TENM1: variants seen among roughly 807,000 people sequenced by gnomAD.
The protein encoded by TENM1 is teneurin transmembrane protein 1, also known as teneurin-1.
TENM1 carries 35 observed loss-of-function variants against 174.8 expected under a neutral mutation model. That is an observed-to-expected ratio of 0.20 (90% CI 0.15 to 0.27). TENM1 has a LOEUF of 0.27. Ranked by LOEUF, TENM1 falls within the 10% of genes least tolerant of loss-of-function variation. TENM1 has a pLI of 1.00. For synonymous variants in TENM1, 781 were observed against 798.7 expected (o/e 0.98, Z 0.37); for missense variants, 1,633 against 2,130.1 (o/e 0.77, Z 4.59).
intron 3 of TENM1, among the ~76,000 whole-genome samples, chrX:124,883,758 G>A (rs1487024833): frequency 1.8e-5 from 2 of 111,818 alleles, no homozygotes; most frequent in African/African-American, 6.5e-5. Context: ...CATGCTGACG[G>A]GTACAAGCTT....
intron 3 of TENM1, among the ~76,000 whole-genome samples, chrX:124,877,024 A>G (rs770553802): frequency 3.1e-4 from 35 of 112,498 alleles, no homozygotes; most frequent in African/African-American, 1.1e-3. Context: ...TTCCTTAAAA[A>G]ATCATTCCAG....
intron 3 of TENM1, among the ~76,000 whole-genome samples, chrX:124,781,398 T>C (rs754304422): frequency 9.0e-6 from 1 of 111,701 alleles, no homozygotes; most frequent in Admixed American, 9.5e-5. Context: ...TACATAAAAG[T>C]TGTCAAGTTG....
At chrX:124,941,050 C>T (rs1896453299) in intron 1 of TENM1, among the ~76,000 whole-genome samples, 2 of 111,259 alleles carry the variant, frequency 1.8e-5, no homozygotes, top group South Asian at 7.6e-4. Context: ...AAAATTCCTT[C>T]CTAAAACCTG....
the TENM1 span, among the ~76,000 whole-genome samples, chrX:125,130,789 A>G: frequency 8.9e-6 from 1 of 112,010 alleles, no homozygotes; most frequent in Non-Finnish European, 1.9e-5. Context: ...AGCACCCATT[A>G]TCTGCCAGCC....
At chrX:125,040,918 T>C in the TENM1 span, among the ~76,000 whole-genome samples, 1 of 111,729 alleles carries the variant, frequency 9.0e-6, no homozygotes, top group Non-Finnish European at 1.9e-5. Flanking sequence ...AAAGTAATCT[T>C]CTGGAGTTGG....
the TENM1 span, among the ~76,000 whole-genome samples, chrX:125,017,241 G>A: frequency 8.9e-5 from 10 of 112,125 alleles, no homozygotes; most frequent in Admixed American, 8.5e-4. Flanking sequence ...AAGAGCTTCC[G>A]TACAGCAAAA....
the TENM1 span, among the ~76,000 whole-genome samples, chrX:124,993,498 A>G: frequency 9.1e-6 from 1 of 110,405 alleles, no homozygotes; most frequent in Non-Finnish European, 1.9e-5. Flanking sequence ...TATTATTCAA[A>G]CCCTATATGT....
intron 25 of TENM1, among the ~76,000 whole-genome samples, chrX:124,406,787 C>T (rs112878128): frequency 1.8e-5 from 2 of 111,328 alleles, no homozygotes; most frequent in African/African-American, 6.5e-5. Context: ...CTGTGTGCAA[C>T]GTTGCAGGGA....
At chrX:125,149,200 A>G in the TENM1 span, among the ~76,000 whole-genome samples, 2 of 112,535 alleles carry the variant, frequency 1.8e-5, no homozygotes. Flanking sequence ...CTCTGTCTGC[A>G]GTGTGGAATG....
chrX:125,050,835 CT>C, the TENM1 span, among the ~76,000 whole-genome samples: 1 of 111,698 alleles, frequency 9.0e-6, no homozygotes, highest in South Asian at 3.7e-4. Context: ...TGTTTCCTGA[CT>C]TTTTAATGAT....
chrX:124,700,823 C>G (rs984648686), intron 5 of TENM1, among the ~76,000 whole-genome samples: 5 of 111,508 alleles, frequency 4.5e-5, no homozygotes, highest in African/African-American at 1.6e-4. Flanking sequence ...AATGAACACA[C>G]ACCACTCCTT....
chrX:124,546,941 G>C, exon 15 of TENM1: 1 of 1,211,252 alleles, frequency 8.3e-7, no homozygotes, highest in Non-Finnish European at 1.1e-6. Flanking sequence ...AATTTGATTC[G>C]ATCATAAAAA....
intron 3 of TENM1, among the ~76,000 whole-genome samples, chrX:124,759,566 G>A (rs1299377419): frequency 9.0e-6 from 1 of 111,349 alleles, no homozygotes; most frequent in Non-Finnish European, 1.9e-5. Context: ...GAGAATATAC[G>A]ATGTTTGGTT....
At chrX:124,429,683 G>A (rs933128814) in intron 23 of TENM1, among the ~76,000 whole-genome samples, 3 of 111,537 alleles carry the variant, frequency 2.7e-5, no homozygotes, top group Non-Finnish European at 5.7e-5. Flanking sequence ...CATAAAATAA[G>A]GTAGGTGGTA....
intron 3 of TENM1, among the ~76,000 whole-genome samples, chrX:124,866,162 T>C (rs112204136): frequency 3.6e-5 from 4 of 112,156 alleles, no homozygotes; most frequent in African/African-American, 1.3e-4. Context: ...CACATGGATG[T>C]AATAGATATT....
the TENM1 span, among the ~76,000 whole-genome samples, chrX:125,127,248 C>T: frequency 0.019 from 2,158 of 111,488 alleles, 42 homozygotes; most frequent in African/African-American, 0.066. Context: ...GTTTATCCCC[C>T]ACTCTACTAC....
chrX:125,065,336 G>A, the TENM1 span, among the ~76,000 whole-genome samples: 1 of 111,823 alleles, frequency 8.9e-6, no homozygotes, highest in African/African-American at 3.2e-5. Flanking sequence ...TTTAACAAGC[G>A]TTTTTCTCCA....
At chrX:124,725,668 G>A (rs934696281) in intron 4 of TENM1, among the ~76,000 whole-genome samples, 2 of 112,132 alleles carry the variant, frequency 1.8e-5, no homozygotes, top group African/African-American at 6.5e-5. Context: ...AAACATTTTT[G>A]TGTTATGGAG....
chrX:125,048,332 C>T, the TENM1 span, among the ~76,000 whole-genome samples: 1 of 100,223 alleles, frequency 1.0e-5, no homozygotes, highest in African/African-American at 3.7e-5. Flanking sequence ...GTGACCATAG[C>T]TCACTGCAGC....
Sources: gnomAD v4.1 joint callset for allele counts (sites outside exome capture counted in the v4.1 genomes callset) on GRCh38, gnomAD v4.1.1 for gene constraint, MANE v1.5 for transcripts, NCBI Gene and HGNC (gene_info 2026-07-23, HGNC 2026-07-21) for gene names.